ZNF136: variants seen among roughly 807,000 people sequenced by gnomAD.
The protein encoded by ZNF136 is zinc finger protein 136 (clone pHZ-20).
Under a neutral mutation model 11.4 loss-of-function variants are expected in ZNF136, and 8 were observed. The observed-to-expected ratio is 0.70, with a 90% confidence interval of 0.41 to 1.27. The LOEUF (loss-of-function observed/expected upper bound fraction) is 1.27, where lower values mean the gene tolerates loss of function less well. Among genes scored for constraint, ZNF136 ranks in the 50% most tolerant of loss-of-function variants. ZNF136 has a pLI of 0.01. For missense variants in ZNF136, 590 were observed against 656.5 expected (o/e 0.90, Z 1.11); for synonymous variants, 190 against 207.1 (o/e 0.92, Z 0.71).
In ZNF136 at chr19:12,187,494, A is replaced by C; in HGVS notation, c.1116A>C (p.Ala372=). 1 of 1,612,938 alleles carries C rather than the reference A, an allele frequency of 6.2e-7. No homozygotes were observed. Among genetic ancestry groups the C allele is most frequent in the Non-Finnish European group, 8.5e-7 (1 of 1,179,720 alleles). The change falls in exon 4 of 4, where the codon GCA becomes GCC. Residue 372 remains alanine, a synonymous_variant. Coordinates refer to ENST00000343979, the MANE Select transcript of ZNF136 (RefSeq NM_003437.5). ...ATGAATGTAAGGAATGTGGGGAAGCATTCAGTTGTATCCCAAGTATGCGAA... is the reference window on the plus strand; with the variant it reads ...ATGAATGTAAGGAATGTGGGGAAGCCTTCAGTTGTATCCCAAGTATGCGAA... ...KPYECKECGE[A]FSCIPSMRRH... is the part of the protein sequence containing the mutation.
intron 1 of ZNF136, among the ~76,000 whole-genome samples, chr19:12,181,966 C>G (rs1914954761): frequency 6.6e-6 from 1 of 151,872 alleles, no homozygotes; most frequent in African/African-American, 2.4e-5. Context: ...GAGATGGGGT[C>G]TCACCGTGTT....
At position 12,188,220 on chromosome 19, in the gene ZNF136, A is replaced by G. The variant is rs1045727135; in HGVS notation, c.*219A>G. On this transcript the variant is annotated 3_prime_UTR_variant, in exon 4 of 4. Coordinates refer to ENST00000343979, the MANE Select transcript of ZNF136 (RefSeq NM_003437.5). Reference sequence around the variant, plus strand: ...AACTCATCATGGAGAAAACCAAACAAATGCTTTTTGGAAAGGAACCCATAT... The same window carrying G: ...AACTCATCATGGAGAAAACCAAACAGATGCTTTTTGGAAAGGAACCCATAT... The G allele has an allele frequency of 7.9e-5, 32 of 406,716 alleles. No homozygotes were observed. Among genetic ancestry groups the G allele is most frequent in the Non-Finnish European group, 9.4e-5 (22 of 233,526 alleles). 25.2% of individuals were successfully genotyped at this position (406,716 alleles called of 1,614,324 possible). A position where few individuals can be genotyped will look rare whatever the true frequency, so the allele number is the denominator to read the frequency against.
intron 1 of ZNF136, among the ~76,000 whole-genome samples, chr19:12,183,324 T>G (rs540796458): frequency 1.3e-5 from 2 of 152,046 alleles, no homozygotes; most frequent in Middle Eastern, 3.4e-3. Flanking sequence ...TTTGTAGAGA[T>G]AGGGTTTCAC....
chr19:12,178,412 T>C (rs1914851519), intron 1 of ZNF136, among the ~76,000 whole-genome samples: 1 of 152,228 alleles, frequency 6.6e-6, no homozygotes, highest in Admixed American at 6.5e-5. Context: ...ATTAAGCACC[T>C]TCCTCATATC....
intron 1 of ZNF136, among the ~76,000 whole-genome samples, chr19:12,183,372 G>A (rs2145639934): frequency 6.6e-6 from 1 of 152,248 alleles, no homozygotes; most frequent in South Asian, 2.1e-4. Flanking sequence ...CTGAGCTCAA[G>A]TGATCCTCCT....
intron 1 of ZNF136, among the ~76,000 whole-genome samples, chr19:12,178,223 T>C (rs1237937945): frequency 6.6e-6 from 1 of 152,256 alleles, no homozygotes; most frequent in Non-Finnish European, 1.5e-5. Context: ...TTGCAAGTAT[T>C]TTCTCCCACT....
At position 12,163,109 on chromosome 19, in the gene ZNF136, G is replaced by T; in HGVS notation, c.-95G>T. ...TGGTTTCGCTTCGCTAGTCCCAGAGGCCCAGAGTGGCTCGCCTGGAGTCTC... is the reference window on the plus strand; with the variant it reads ...TGGTTTCGCTTCGCTAGTCCCAGAGTCCCAGAGTGGCTCGCCTGGAGTCTC... On this transcript the variant is annotated 5_prime_UTR_variant, in exon 1 of 4. Transcript: ENST00000343979. 7.5e-7 allele frequency: 1 copy of T among 1,334,372 alleles called. No homozygotes were observed. The highest frequency in any genetic ancestry group is 9.8e-7 in the Non-Finnish European group (1 of 1,022,784). 82.7% of individuals were successfully genotyped at this position (1,334,372 alleles called of 1,614,324 possible).
At chr19:12,166,209 C>CA (rs1474924922) in intron 1 of ZNF136, among the ~76,000 whole-genome samples, 4 of 150,570 alleles carry the variant, frequency 2.7e-5, no homozygotes, top group Non-Finnish European at 5.9e-5. Flanking sequence ...GCCTGGGTGA[C>CA]AGAGCAAGAC....
intron 1 of ZNF136, among the ~76,000 whole-genome samples, chr19:12,177,567 G>A (rs1040921644): frequency 6.6e-5 from 10 of 152,062 alleles, no homozygotes; most frequent in African/African-American, 2.2e-4. Flanking sequence ...TAGGCTGCTC[G>A]TGAACTCCTG....
chr19:12,165,103 AT>A (rs1188232013), intron 1 of ZNF136, among the ~76,000 whole-genome samples: 1 of 152,186 alleles, frequency 6.6e-6, no homozygotes, highest in Non-Finnish European at 1.5e-5. Context: ...GACGGAAATG[AT>A]TCCTGTCCTT....
chr19:12,172,647 GTT>G (rs1447661951), intron 1 of ZNF136, among the ~76,000 whole-genome samples: 2 of 152,152 alleles, frequency 1.3e-5, no homozygotes, highest in African/African-American at 4.8e-5. Context: ...AGGTGTGTCA[GTT>G]AGGCAATTAG....
chr19:12,187,936 CAG>C lies in ZNF136; in HGVS notation c.1562_1563del (p.Arg521ThrfsTer7), dbSNP rs770436799. 1.3e-6 allele frequency: 2 copies of C among 1,566,900 alleles called. No homozygotes were observed. Among genetic ancestry groups the C allele is most frequent in the African/African-American group, 1.4e-5 (1 of 72,838 alleles). ...AGCCTATTCTTGCCGTGCCAGCTTT[CAG>C]AGACACATGTTAACACATGCTGAAG... ...GKAYSCRASF[Q>X]RHMLTHAEDG... is the part of the protein sequence containing the mutation. On this transcript the variant is annotated frameshift_variant, in exon 4 of 4. Coordinates refer to ENST00000343979, the MANE Select transcript of ZNF136 (RefSeq NM_003437.5). LOFTEE classifies it low-confidence loss of function (END_TRUNC).
At chr19:12,163,630 C>G (rs1977143303) in intron 1 of ZNF136, 1 of 187,626 alleles carries the variant, frequency 5.3e-6, no homozygotes, top group African/African-American at 2.3e-5. Flanking sequence ...ACTCTGTCCC[C>G]CAGCCTGCTG....
chr19:12,176,112 G>T (rs1353731788), intron 1 of ZNF136, among the ~76,000 whole-genome samples: 2 of 152,070 alleles, frequency 1.3e-5, no homozygotes, highest in African/African-American at 4.8e-5. Flanking sequence ...TGAAAATTAT[G>T]AATAACGCTG....
At chr19:12,175,591 C>G (rs1390268379) in intron 1 of ZNF136, among the ~76,000 whole-genome samples, 6 of 152,166 alleles carry the variant, frequency 3.9e-5, no homozygotes, top group African/African-American at 1.2e-4. Context: ...CAGTCACAAC[C>G]CGTCCAGCTA....
chr19:12,166,284 ATTC>A (rs1246649604), intron 1 of ZNF136, among the ~76,000 whole-genome samples: 1 of 152,058 alleles, frequency 6.6e-6, no homozygotes, highest in East Asian at 1.9e-4. Context: ...ATTTTCTTTT[ATTC>A]TTTCCCAGAT....
At chr19:12,178,392 CTT>C (rs902655356) in intron 1 of ZNF136, among the ~76,000 whole-genome samples, 20 of 152,174 alleles carry the variant, frequency 1.3e-4, no homozygotes, top group Non-Finnish European at 2.2e-4. Context: ...ACCCAGAACT[CTT>C]TTGTGAGATT....
Position 12,187,670 on chromosome 19 carries a change from C to G in ZNF136, c.1292C>G (p.Ser431Cys). The G allele has an allele frequency of 6.2e-7, 1 of 1,614,030 alleles. No homozygotes were observed. Among genetic ancestry groups the G allele is most frequent in the Non-Finnish European group, 8.5e-7 (1 of 1,179,990 alleles). Residue 431 changes from serine to cysteine, a missense_variant, in exon 4 of 4, where the codon TCT becomes TGT. Transcript: ENST00000343979. ...AAACATTGTGGTAAAGCTTTCGTTT[C>G]TTCAACATCAATTCGAATACATGAA... ...VCKHCGKAFV[S>C]STSIRIHERT...
In ZNF136 at chr19:12,185,770, T is replaced by C. The variant is rs1276373955; in HGVS notation, c.4-15T>C. 3 of 1,611,592 alleles carry C rather than the reference T, an allele frequency of 1.9e-6. No homozygotes were observed. The highest frequency in any genetic ancestry group is 1.7e-5 in the Admixed American group (1 of 58,986). On this transcript the variant is annotated splice_polypyrimidine_tract_variant and intron_variant, in intron 1 of 3. Transcript: ENST00000343979. The stretch of plus-strand genomic sequence containing the variant: ...TCTCACCCATTCTCCTCTCCACATA[T>C]GTGGGATGTTTCAGGACTCGGTGGC...
Sources: gnomAD v4.1 joint callset for allele counts (sites outside exome capture counted in the v4.1 genomes callset) on GRCh38, gnomAD v4.1.1 for gene constraint, MANE v1.5 for transcripts, NCBI Gene and HGNC (gene_info 2026-07-23, HGNC 2026-07-21) for gene names.